ESRRG: variants seen among roughly 807,000 people sequenced by gnomAD.
ESRRG encodes estrogen-related receptor gamma.
ESRRG carries 13 observed loss-of-function variants against 44.0 expected under a neutral mutation model. The ratio of observed to expected loss-of-function variants is 0.30; its 90% CI spans 0.19 to 0.47. The LOEUF (loss-of-function observed/expected upper bound fraction) is 0.47. Among genes scored for constraint, ESRRG ranks in the 20% least tolerant of loss-of-function variants. The pLI is 1.00. For missense variants in ESRRG, 395 were observed against 580.6 expected (o/e 0.68, Z 3.29); for synonymous variants, 215 against 214.6 (o/e 1.00, Z -0.02).
chr1:216,794,484 C>T (rs898643313), intron 2 of ESRRG, among the ~76,000 whole-genome samples: 1 of 152,124 alleles, frequency 6.6e-6, no homozygotes, highest in Non-Finnish European at 1.5e-5. Flanking sequence ...AAGTTCCTAT[C>T]GGGAAAACAC....
chr1:216,962,861 A>G (rs1300485022), intron 1 of ESRRG, among the ~76,000 whole-genome samples: 1 of 152,202 alleles, frequency 6.6e-6, no homozygotes, highest in Non-Finnish European at 1.5e-5. Flanking sequence ...CGTATATACA[A>G]TTAATATGAC....
intron 1 of ESRRG, among the ~76,000 whole-genome samples, chr1:217,056,510 A>G (rs1468047175): frequency 3.3e-5 from 5 of 151,896 alleles, no homozygotes; most frequent in Non-Finnish European, 5.9e-5. Flanking sequence ...ACATGGTGCC[A>G]TTGATATTGT....
chr1:216,890,114 A>T (rs1177499582), intron 2 of ESRRG, among the ~76,000 whole-genome samples: 2 of 151,818 alleles, frequency 1.3e-5, no homozygotes, highest in Non-Finnish European at 2.9e-5. Context: ...AAAGTACAAA[A>T]ATTAGCTGTA....
intron 2 of ESRRG, among the ~76,000 whole-genome samples, chr1:216,874,364 T>TA (rs1408808527): frequency 2.0e-5 from 3 of 152,072 alleles, no homozygotes. Flanking sequence ...AAAACTCAGG[T>TA]AAAAAAGTTT....
intron 1 of ESRRG, among the ~76,000 whole-genome samples, chr1:217,014,171 A>C (rs890938311): frequency 1.3e-5 from 2 of 151,996 alleles, no homozygotes; most frequent in South Asian, 2.1e-4. Flanking sequence ...AGTTTGATTT[A>C]AATTTGGAAC....
At chr1:217,078,104 GTAC>G (rs1431595966) in intron 1 of ESRRG, 1 of 152,200 alleles carries the variant, frequency 6.6e-6, no homozygotes, top group Non-Finnish European at 1.5e-5. Context: ...GCTTTGCCCT[GTAC>G]TATTGCTGCC....
chr1:216,579,891 T>G (rs1438129093), intron 3 of ESRRG, among the ~76,000 whole-genome samples: 1 of 152,214 alleles, frequency 6.6e-6, no homozygotes, highest in Non-Finnish European at 1.5e-5. Flanking sequence ...CTTAAATTTC[T>G]TAGTCTTTTC....
At chr1:217,102,295 G>A (rs1373803518) in intron 1 of ESRRG, among the ~76,000 whole-genome samples, 5 of 152,178 alleles carry the variant, frequency 3.3e-5, no homozygotes, top group Non-Finnish European at 5.9e-5. Flanking sequence ...GTGGGATCTG[G>A]GAGTCAATCC....
chr1:217,085,530 C>G (rs571262426), intron 1 of ESRRG, among the ~76,000 whole-genome samples: 3 of 132,488 alleles, frequency 2.3e-5, no homozygotes, highest in Non-Finnish European at 4.8e-5. Flanking sequence ...CTCACTCTGT[C>G]CCCAGGCTGA....
At chr1:217,073,197 C>CA (rs34950214) in intron 1 of ESRRG, among the ~76,000 whole-genome samples, 2,594 of 75,896 alleles carry the variant, frequency 0.034, 301 homozygotes, top group Middle Eastern at 0.049. Flanking sequence ...CCTTTCTGGA[C>CA]AAAAAAAAAA....
At chr1:216,870,603 T>A (rs879842939) in intron 2 of ESRRG, among the ~76,000 whole-genome samples, 4 of 151,992 alleles carry the variant, frequency 2.6e-5, no homozygotes, top group Non-Finnish European at 4.4e-5. Flanking sequence ...CATAATAGTT[T>A]GGTAAAATAC....
chr1:216,757,480 A>AT (rs11572639), intron 2 of ESRRG, among the ~76,000 whole-genome samples: 3,530 of 151,352 alleles, frequency 0.023, 57 homozygotes, highest in Non-Finnish European at 0.031. Context: ...GCCTTTGACA[A>AT]TTTTTTTTTG....
intron 1 of ESRRG, among the ~76,000 whole-genome samples, chr1:216,690,530 T>C (rs1403037849): frequency 6.6e-6 from 1 of 152,094 alleles, no homozygotes; most frequent in Non-Finnish European, 1.5e-5. Flanking sequence ...GCTGGTGGTT[T>C]TATGAATTAT....
At chr1:216,751,119 G>C (rs2091966756) in intron 2 of ESRRG, among the ~76,000 whole-genome samples, 1 of 152,120 alleles carries the variant, frequency 6.6e-6, no homozygotes. Context: ...ATGCCAGATT[G>C]AAAATGTACC....
chr1:217,134,530 A>C (rs375498836), intron 1 of ESRRG, among the ~76,000 whole-genome samples: 125 of 152,202 alleles, frequency 8.2e-4, no homozygotes, highest in African/African-American at 2.9e-3. Flanking sequence ...TGGATCCAAG[A>C]CCCGAGGTTA....
At chr1:216,658,015 G>A (rs748802462) in intron 2 of ESRRG, among the ~76,000 whole-genome samples, 1 of 152,086 alleles carries the variant, frequency 6.6e-6, no homozygotes, top group Non-Finnish European at 1.5e-5. Flanking sequence ...ATGATGCTTT[G>A]CCCTTAAGGA....
chr1:216,769,078 A>AT (rs2093259567), intron 2 of ESRRG, among the ~76,000 whole-genome samples: 1 of 152,002 alleles, frequency 6.6e-6, no homozygotes, highest in African/African-American at 2.4e-5. Flanking sequence ...GCCAAAAAAA[A>AT]AATAATGATT....
chr1:217,019,691 C>T (rs1178835037), intron 1 of ESRRG, among the ~76,000 whole-genome samples: 2 of 152,158 alleles, frequency 1.3e-5, no homozygotes, highest in Non-Finnish European at 1.5e-5. Flanking sequence ...TTTTCTTCCA[C>T]TTATCATTTT....
chr1:216,758,926 C>A (rs2092614649), intron 2 of ESRRG, among the ~76,000 whole-genome samples: 1 of 151,746 alleles, frequency 6.6e-6, no homozygotes, highest in African/African-American at 2.4e-5. Flanking sequence ...AGCCAAATAA[C>A]CCCTAAGAAG....
Sources: allele counts gnomAD v4.1 joint callset (sites outside exome capture counted in the v4.1 genomes callset), GRCh38; gene constraint gnomAD v4.1.1; transcripts MANE v1.5; gene names NCBI Gene and HGNC (gene_info 2026-07-23, HGNC 2026-07-21).